The following FRMD3 variants were observed in gnomAD, a reference collection of about 807,000 sequenced individuals.
FRMD3 encodes the protein FERM domain containing 3, also known as FERM domain-containing protein 3.
FRMD3 carries 33 observed loss-of-function variants against 70.2 expected under a neutral mutation model. The observed-to-expected ratio is 0.47, with a 90% CI of 0.36 to 0.63. The LOEUF is 0.63. Among genes scored for constraint, FRMD3 ranks in the 20% least tolerant of loss-of-function variants. FRMD3 has a pLI of 0.00. For synonymous variants in FRMD3, 279 were observed against 255.9 expected (o/e 1.09, Z -0.86); for missense variants, 632 against 711.4 (o/e 0.89, Z 1.27).
intron 2 of FRMD3, among the ~76,000 whole-genome samples, chr9:83,382,101 T>C (rs3904188): frequency 0.43 from 64,609 of 151,932 alleles, 14,319 homozygotes; most frequent in Admixed American, 0.5. Flanking sequence ...CGCTAGTAAC[T>C]AAAATGCAAT....
intron 2 of FRMD3, among the ~76,000 whole-genome samples, chr9:83,375,107 G>A (rs1825099980): frequency 6.6e-6 from 1 of 152,124 alleles, no homozygotes; most frequent in East Asian, 1.9e-4. Flanking sequence ...CATTTTGTGT[G>A]CCCACACCAG....
chr9:83,254,086 A>T, intron 13 of FRMD3, among the ~76,000 whole-genome samples: 1 of 145,230 alleles, frequency 6.9e-6, no homozygotes, highest in South Asian at 2.2e-4. Context: ...GAACACAGGA[A>T]GGGGAACATC....
chr9:83,275,181 C>T (rs942416870), intron 13 of FRMD3, among the ~76,000 whole-genome samples: 2 of 152,280 alleles, frequency 1.3e-5, no homozygotes, highest in African/African-American at 4.8e-5. Context: ...GGGACCGAGC[C>T]GTCGGCATGG....
intron 13 of FRMD3, among the ~76,000 whole-genome samples, chr9:83,249,580 A>G (rs192221467): frequency 6.3e-4 from 96 of 152,334 alleles, no homozygotes; most frequent in Non-Finnish European, 1.6e-4. Context: ...TGGTTTTAGC[A>G]TTCAAAAATC....
rs189802510 is a variant in FRMD3, at chr9:83,279,944, T to C, written c.1195+10659A>G. On this transcript the variant is annotated intron_variant, in intron 13 of 13. Transcript: ENST00000304195. ...AACAAACATGCACGTTCTGTACATG[T>C]ATCCTGGAACTTAAAATTTTCTAAA... Among the ~76,000 whole-genome samples, 173 of 152,294 alleles carry C rather than the reference T, an allele frequency of 1.1e-3. 1 individual carries two copies. The highest frequency in any genetic ancestry group is 3.9e-3 in the African/African-American group (162 of 41,552).
intron 12 of FRMD3, among the ~76,000 whole-genome samples, chr9:83,298,392 C>A (rs1367943036): frequency 6.6e-6 from 1 of 152,076 alleles, no homozygotes; most frequent in Non-Finnish European, 1.5e-5. Flanking sequence ...TGGGAACGGG[C>A]CAAATATGAT....
At chr9:83,522,639 C>T (rs144869233) in intron 1 of FRMD3, among the ~76,000 whole-genome samples, 59 of 150,296 alleles carry the variant, frequency 3.9e-4, no homozygotes, top group African/African-American at 1.4e-3. Flanking sequence ...TCTCGGCTCA[C>T]TGCAAGCTCC....
the FRMD3 span, among the ~76,000 whole-genome samples, chr9:83,551,536 T>C: frequency 6.6e-6 from 1 of 152,172 alleles, no homozygotes; most frequent in African/African-American, 2.4e-5. Flanking sequence ...TTTGGAATAG[T>C]TTCTGTAGGA....
At chr9:83,452,855 T>C (rs937322454) in intron 1 of FRMD3, among the ~76,000 whole-genome samples, 2 of 133,924 alleles carry the variant, frequency 1.5e-5, no homozygotes, top group East Asian at 2.2e-4. Context: ...TGCCTTTTTT[T>C]TTTTTTTTTT....
At chr9:83,410,131 C>T (rs1163259030) in intron 1 of FRMD3, among the ~76,000 whole-genome samples, 1 of 152,184 alleles carries the variant, frequency 6.6e-6, no homozygotes, top group Admixed American at 6.5e-5. Flanking sequence ...TAAATTCTCT[C>T]TTTTTAAATT....
intron 13 of FRMD3, among the ~76,000 whole-genome samples, chr9:83,272,073 C>T (rs541157569): frequency 6.6e-6 from 1 of 151,940 alleles, no homozygotes; most frequent in South Asian, 2.1e-4. Context: ...CCTCTCCCTC[C>T]CCCTCCCCCT....
rs547593185 is a variant in FRMD3 at position 83,398,157 on chromosome 9, T to C, written c.148-8449A>G. Among the ~76,000 whole-genome samples the C allele has an allele frequency of 1.7e-3, 252 of 152,332 alleles. 1 individual carries two copies. Among genetic ancestry groups the C allele is most frequent in the Middle Eastern group, 3.4e-3 (1 of 294 alleles). ...AAGCCTATTTGTGTAAATTCACACA[T>C]TTTGTTATGTTAGGGACCACAGCTT... On this transcript the variant is annotated intron_variant, in intron 1 of 13. Transcript: ENST00000304195.
the FRMD3 span, among the ~76,000 whole-genome samples, chr9:83,548,613 T>C: frequency 2.6e-5 from 4 of 152,170 alleles, no homozygotes; most frequent in Non-Finnish European, 5.9e-5. Flanking sequence ...ATTTTCAGAA[T>C]AGTGAAACTA....
In FRMD3 at chr9:83,315,809, C is replaced by T. The variant is rs1015618925; in HGVS notation, c.597-2062G>A. Among the ~76,000 whole-genome samples, 247 of 152,262 alleles carry T rather than the reference C, an allele frequency of 1.6e-3. 1 individual carries two copies. The highest frequency in any genetic ancestry group is 7.6e-4 in the Non-Finnish European group (52 of 68,018). On this transcript the variant is annotated intron_variant, in intron 6 of 13. Coordinates refer to ENST00000304195, the MANE Select transcript of FRMD3 (RefSeq NM_174938.6). The stretch of plus-strand genomic sequence containing the variant: ...AGGTTCTAGTTCTAGGCACGCACAC[C>T]GGGTACCTTCCGCTCAAGCCTGCTG...
chr9:83,285,321 C>T (rs1834161853), intron 13 of FRMD3, among the ~76,000 whole-genome samples: 1 of 152,150 alleles, frequency 6.6e-6, no homozygotes, highest in Non-Finnish European at 1.5e-5. Flanking sequence ...TTTTACCATT[C>T]TCTTAGTTTC....
chr9:83,385,580 G>A (rs1007031179), intron 2 of FRMD3, among the ~76,000 whole-genome samples: 7 of 152,054 alleles, frequency 4.6e-5, no homozygotes, highest in African/African-American at 1.7e-4. Flanking sequence ...ATTCAACAAT[G>A]GTTTACTGTA....
Position 83,245,376 on chromosome 9 carries a change from C to A in FRMD3, c.*2542G>T. 1.0e-6 allele frequency: 1 copy of A among 985,410 alleles called. No homozygotes were observed. 61.0% of individuals were successfully genotyped at this position (985,410 alleles called of 1,614,324 possible). A position where few individuals can be genotyped will look rare whatever the true frequency, so the allele number is the denominator to read the frequency against. ...CTTAAATGGATGTTTCTAAAAGGCT[C>A]TGATTCTATGCCGAGCAAATGGCAT... On this transcript the variant is annotated 3_prime_UTR_variant, in exon 14 of 14. Transcript: ENST00000304195.
chr9:83,499,915 G>A (rs1459202794), intron 1 of FRMD3, among the ~76,000 whole-genome samples: 2 of 152,138 alleles, frequency 1.3e-5, no homozygotes. Flanking sequence ...ATATTGTTCA[G>A]CAATAAAAAG....
chr9:83,318,384 A>G (rs965115668), intron 6 of FRMD3, among the ~76,000 whole-genome samples: 1 of 152,176 alleles, frequency 6.6e-6, no homozygotes, highest in African/African-American at 2.4e-5. Context: ...TTCACTAAGG[A>G]TAATAGCCTC....
Sources: allele counts gnomAD v4.1 joint callset (sites outside exome capture counted in the v4.1 genomes callset), GRCh38; gene constraint gnomAD v4.1.1; transcripts MANE v1.5; gene names NCBI Gene and HGNC (gene_info 2026-07-23, HGNC 2026-07-21).